The following TBC1D16 variants were observed in gnomAD, a reference collection of about 807,000 sequenced individuals.
TBC1D16 encodes the protein TBC1 domain family member 16, also known as CTD-2529O21.1.
TBC1D16 carries 58 observed loss-of-function variants against 74.7 expected under a neutral mutation model. That is an observed-to-expected ratio of 0.78 (90% CI 0.63 to 0.97). The LOEUF is 0.97. Among genes scored for constraint, TBC1D16 ranks in the 50% least tolerant of loss-of-function variants. The pLI is 0.00. For synonymous variants in TBC1D16, 493 were observed against 474.7 expected, an observed-to-expected ratio of 1.04 and a Z score of -0.50; for missense variants, 1,014 against 1,079.5, an observed-to-expected ratio of 0.94 and a Z score of 0.85.
chr17:80,005,623 C>A (rs2035645721), intron 3 of TBC1D16, among the ~76,000 whole-genome samples: 1 of 152,184 alleles, frequency 6.6e-6, no homozygotes, highest in Non-Finnish European at 1.5e-5. Flanking sequence ...GCGACAGCAG[C>A]TCTCCGTATC....
Position 79,950,379 on chromosome 17 carries a change from C to T in TBC1D16, c.1257+32G>A, listed in dbSNP as rs1031215623. The T allele has an allele frequency of 6.4e-6, 10 of 1,567,200 alleles. No individual in the cohort carries two copies. The highest frequency in any genetic ancestry group is 1.8e-5 in the Admixed American group (1 of 55,390). ...CGTTCCCGGTTCCCGGCCGGCTCTC[C>T]GCGGGGCCAGCTGGGCGGACCCGGA... On this transcript the variant is annotated intron_variant, in intron 6 of 11. Transcript: ENST00000310924. The surrounding 1 kb of genome is among the most constrained non-coding windows in gnomAD (Gnocchi z 4.6).
chr17:80,016,313 G>A (rs932953797), intron 1 of TBC1D16, among the ~76,000 whole-genome samples: 3 of 152,094 alleles, frequency 2.0e-5, no homozygotes, highest in African/African-American at 7.2e-5. Context: ...CAGCTTGGGA[G>A]GATGAAAGCG....
At position 79,951,911 on chromosome 17, in the gene TBC1D16, C is replaced by A. The variant is rs2033076941; in HGVS notation, c.942-314G>T. On this transcript the variant is annotated intron_variant, in intron 4 of 11. Coordinates refer to ENST00000310924, the MANE Select transcript of TBC1D16 (RefSeq NM_019020.4). ...CCCTGCAGTCCGGGAGACCTGGGTCCCAACGCTGAGTGCCCTGGAATCCAG... is the reference window on the plus strand; with the variant it reads ...CCCTGCAGTCCGGGAGACCTGGGTCACAACGCTGAGTGCCCTGGAATCCAG... 1.2e-5 allele frequency: 3 copies of A among 256,648 alleles called. No individual in the cohort carries two copies. In the South Asian group the frequency reaches 2.3e-4, roughly 19 times the overall value. The allele number at this position is 256,648 out of a possible 1,614,324, so 15.9% of individuals were successfully genotyped here.
chr17:79,948,924 G>C lies in TBC1D16; in HGVS notation c.1489C>G (p.Arg497Gly), dbSNP rs756070071. 3.7e-6 allele frequency: 6 copies of C among 1,614,138 alleles called. No homozygotes were observed. The highest frequency in any genetic ancestry group is 1.7e-5 in the Admixed American group (1 of 60,020). ...TVDKDVVRTD[R>G]NNQFFRGEDN... ...TCCCCCCGGAAGAACTGGTTGTTCCGATCTGTCCGGACCACGTCTTTGTCC... is the reference window on the plus strand; with the variant it reads ...TCCCCCCGGAAGAACTGGTTGTTCCCATCTGTCCGGACCACGTCTTTGTCC... Residue 497 changes from arginine (R) to glycine (G), a missense_variant, in exon 8 of 12, where the codon CGG (arginine) becomes GGG (glycine). Physicochemically the swap from Arg to Gly is moderately radical, Grantham distance 125. Coordinates refer to ENST00000310924, the MANE Select transcript of TBC1D16 (RefSeq NM_019020.4).
In TBC1D16 at chr17:79,945,106, C is replaced by A; in HGVS notation, c.1729-19G>T. On this transcript the variant is annotated intron_variant, in intron 9 of 11. Transcript: ENST00000310924. ...GGTACAGCTGGGGGTGAGGCCGTCA[C>A]GCGTTAGTTAGCTCCGGTCCCATGC... 2 of 1,562,682 alleles carry A rather than the reference C, an allele frequency of 1.3e-6. No homozygotes were observed. The highest frequency in any genetic ancestry group is 8.7e-7 in the Non-Finnish European group (1 of 1,154,372).
intron 3 of TBC1D16, among the ~76,000 whole-genome samples, chr17:79,963,978 C>G (rs982104543): frequency 6.6e-6 from 1 of 151,606 alleles, no homozygotes; most frequent in African/African-American, 2.4e-5. Flanking sequence ...TTGTGTGTGT[C>G]TGTTTGTTTG....
chr17:80,014,912 G>A (rs150933237), intron 1 of TBC1D16, among the ~76,000 whole-genome samples: 4 of 152,264 alleles, frequency 2.6e-5, no homozygotes, highest in African/African-American at 4.8e-5. Context: ...GACCTGGGAC[G>A]TATGAAATGT....
At position 79,988,577 on chromosome 17, in the gene TBC1D16, C is replaced by T. The variant is rs1449960048; in HGVS notation, c.779+21583G>A. On this transcript the variant is annotated intron_variant, in intron 3 of 11. Coordinates refer to ENST00000310924, the MANE Select transcript of TBC1D16 (RefSeq NM_019020.4). The surrounding 1 kb of genome is among the most constrained non-coding windows in gnomAD (Gnocchi z 5.7). ...GCAAGCCAGGGTCCTGGTGAACGCA[C>T]GTGCCTGCGTTCTGTACCAAACAGT... 3.3e-5 allele frequency among the ~76,000 whole-genome samples: 5 copies of T among 152,212 alleles called. No homozygotes were observed. Among genetic ancestry groups the T allele is most frequent in the Admixed American group, 6.5e-5 (1 of 15,278 alleles).
At chr17:79,995,758 C>T (rs2035252208) in intron 3 of TBC1D16, among the ~76,000 whole-genome samples, 1 of 152,004 alleles carries the variant, frequency 6.6e-6, no homozygotes, top group Non-Finnish European at 1.5e-5. Context: ...GCACTCCAAC[C>T]TGGGCGACAG....
At chr17:79,978,778 C>T (rs111719371) in intron 3 of TBC1D16, among the ~76,000 whole-genome samples, 1 of 152,334 alleles carries the variant, frequency 6.6e-6, no homozygotes, top group African/African-American at 2.4e-5. Context: ...TGGCAGGAAT[C>T]ATTTGTTTTT....
chr17:80,016,989 T>C (rs2036111408), intron 1 of TBC1D16, among the ~76,000 whole-genome samples: 1 of 152,098 alleles, frequency 6.6e-6, no homozygotes, highest in Non-Finnish European at 1.5e-5. Flanking sequence ...GGGACCCAGC[T>C]CAGATCCTCA....
rs1219921719 is a variant in TBC1D16 at position 79,961,973 on chromosome 17, A to G, written c.780-9155T>C. Reference sequence around the variant, plus strand: ...AATCGTGGTCTGTACATACCATGGCATACTACTCAGCTGTAACACGCAGTA... The same window carrying G: ...AATCGTGGTCTGTACATACCATGGCGTACTACTCAGCTGTAACACGCAGTA... On this transcript the variant is annotated intron_variant, in intron 3 of 11. Transcript: ENST00000310924. This position sits in a 1 kb window ranked among gnomAD's most constrained non-coding sequence, Gnocchi z 4.8. Among the ~76,000 whole-genome samples, 1 of 152,206 alleles carries G rather than the reference A, an allele frequency of 6.6e-6. No individual in the cohort carries two copies. Among genetic ancestry groups the G allele is most frequent in the African/African-American group, 2.4e-5 (1 of 41,452 alleles).
chr17:80,029,768 A>G (rs747486021), intron 1 of TBC1D16, among the ~76,000 whole-genome samples: 3 of 152,156 alleles, frequency 2.0e-5, no homozygotes, highest in Non-Finnish European at 4.4e-5. Context: ...AATGACACAA[A>G]CTTACCAGCT....
At chr17:80,005,481 C>G (rs1472739846) in intron 3 of TBC1D16, among the ~76,000 whole-genome samples, 16 of 152,206 alleles carry the variant, frequency 1.1e-4, no homozygotes, top group Non-Finnish European at 1.9e-4. Context: ...GGTCACCCTC[C>G]CCAGCACACC....
intron 3 of TBC1D16, among the ~76,000 whole-genome samples, chr17:79,997,482 G>A (rs1342046547): frequency 1.3e-5 from 2 of 152,156 alleles, no homozygotes; most frequent in African/African-American, 4.8e-5. Context: ...TAAACCGGGG[G>A]ATCCACAAAC....
chr17:79,941,776 A>T lies in TBC1D16; in HGVS notation c.2055+284T>A, dbSNP rs2032021320. ...CTGTCCTGTCCGTCAGCCCCGGTGA[A>T]TTCGTTCCCTCCTCAGCCAGCGAGG... On this transcript the variant is annotated intron_variant, in intron 11 of 11. Coordinates refer to ENST00000310924, the MANE Select transcript of TBC1D16 (RefSeq NM_019020.4). The surrounding 1 kb of genome is among the most constrained non-coding windows in gnomAD (Gnocchi z 4.3). Among the ~76,000 whole-genome samples, 1 of 152,276 alleles carries T rather than the reference A, an allele frequency of 6.6e-6. No individual in the cohort carries two copies. The highest frequency in any genetic ancestry group is 1.9e-4 in the East Asian group (1 of 5,172).
Position 80,010,238 on chromosome 17 carries a change from G to A in TBC1D16, c.701C>T (p.Ser234Phe), listed in dbSNP as rs771848632. The change falls in exon 3 of 12, where the codon TCC becomes TTC. Residue 234 changes from serine to phenylalanine, a missense_variant. By Grantham distance (155) the Ser-to-Phe change is radical. Transcript: ENST00000310924. This position sits in a 1 kb window ranked among gnomAD's most constrained non-coding sequence, Gnocchi z 8.8. ...SSFDSDSDTF[S>F]SPFCLSPISA... ...GATGGGCGAGAGGCAGAAGGGCGAGGAGAAGGTGTCTGAGTCTGAGTCAAA... is the reference window on the plus strand; with the variant it reads ...GATGGGCGAGAGGCAGAAGGGCGAGAAGAAGGTGTCTGAGTCTGAGTCAAA... 3 of 1,613,384 alleles carry A rather than the reference G, an allele frequency of 1.9e-6. No individual in the cohort carries two copies. In the Admixed American group the frequency reaches 5.0e-5, roughly 27 times the overall value.
In TBC1D16 at chr17:80,035,210, C is replaced by T. The variant is rs181856450; in HGVS notation, c.-63+585G>A. ...CAGTTGCCTTTCCTTTTTTTCTTTCCTTCCTTTCGTTCTTTCTTTCTTTTT... is the reference window on the plus strand; with the variant it reads ...CAGTTGCCTTTCCTTTTTTTCTTTCTTTCCTTTCGTTCTTTCTTTCTTTTT... On this transcript the variant is annotated intron_variant, in intron 1 of 11. Coordinates refer to ENST00000310924, the MANE Select transcript of TBC1D16 (RefSeq NM_019020.4). The surrounding 1 kb of genome is among the most constrained non-coding windows in gnomAD (Gnocchi z 5.3). Among the ~76,000 whole-genome samples the T allele has an allele frequency of 4.6e-5, 7 of 150,750 alleles. 2 individuals carry two copies. The Admixed American group carries it at 4.7e-4, about 10-fold the overall frequency.
chr17:80,013,325 C>T (rs2035960984), intron 2 of TBC1D16, 42 bp downstream of exon 2: 2 of 1,550,650 alleles, frequency 1.3e-6, no homozygotes, highest in Non-Finnish European at 1.7e-6. Flanking sequence ...CGGAAAATAA[C>T]CTGGGCTGTG....
Sources: gnomAD v4.1 joint callset for allele counts (sites outside exome capture counted in the v4.1 genomes callset) on GRCh38, gnomAD v4.1.1 for gene constraint, Gnocchi (gnomAD v3.1) non-coding constraint, MANE v1.5 for transcripts, NCBI Gene and HGNC (gene_info 2026-07-23, HGNC 2026-07-21) for gene names.